HECW1: variants seen among roughly 807,000 people sequenced by gnomAD.
The protein encoded by HECW1 is HECT, C2 and WW domain containing E3 ubiquitin protein ligase 1.
A neutral mutation model predicts 182.3 loss-of-function variants in HECW1; 61 were observed. The ratio of observed to expected loss-of-function variants is 0.33; its 90% CI spans 0.27 to 0.41. The LOEUF is 0.41. HECW1 is among the 10% of genes least tolerant of loss of function. The pLI is 1.00. For synonymous variants in HECW1, 859 were observed against 832.6 expected, an observed-to-expected ratio of 1.03 and a Z score of -0.55; for missense variants, 1,739 against 2,108.9, an observed-to-expected ratio of 0.82 and a Z score of 3.44.
intron 2 of HECW1, among the ~76,000 whole-genome samples, chr7:43,191,115 G>A (rs567035823): frequency 5.3e-5 from 8 of 152,128 alleles, no homozygotes; most frequent in African/African-American, 1.7e-4. Context: ...GGAAAACTGC[G>A]GAGTAGATTA....
intron 4 of HECW1, among the ~76,000 whole-genome samples, chr7:43,316,761 T>G (rs1281225064): frequency 7.1e-5 from 1 of 14,032 alleles, no homozygotes; most frequent in Admixed American, 8.2e-4. Flanking sequence ...TCCTCTCCCC[T>G]CCCCTTTTCT....
chr7:43,355,266 C>T (rs992238420), intron 5 of HECW1, among the ~76,000 whole-genome samples: 23 of 152,110 alleles, frequency 1.5e-4, no homozygotes, highest in African/African-American at 2.7e-4. Flanking sequence ...AAATTAAGTA[C>T]GCAGACAAAC....
intron 24 of HECW1, among the ~76,000 whole-genome samples, chr7:43,534,259 G>A (rs79045522): frequency 0.017 from 2,567 of 151,928 alleles, 72 homozygotes; most frequent in African/African-American, 0.059. Context: ...TCCATAAATC[G>A]TGGCCTGTAA....
At chr7:43,540,416 C>T (rs1019242895) in intron 24 of HECW1, among the ~76,000 whole-genome samples, 35 of 152,314 alleles carry the variant, frequency 2.3e-4, no homozygotes, top group African/African-American at 7.7e-4. Flanking sequence ...GGTTTAGGAG[C>T]AGGCAACAAT....
rs183538692 is a variant in HECW1, at chr7:43,141,560, C to T, written c.-32+27169C>T. 2.4e-3 allele frequency among the ~76,000 whole-genome samples: 364 copies of T among 152,062 alleles called. 2 individuals are homozygous for T. The highest frequency in any genetic ancestry group is 7.9e-3 in the African/African-American group (328 of 41,466). On this transcript the variant is annotated intron_variant, in intron 2 of 29. Coordinates refer to ENST00000395891, the MANE Select transcript of HECW1 (RefSeq NM_015052.5). ...TGTTGCCCAGGCTAGAGTGCAATGG[C>T]GCAATCTCAGCTCACCGCGCCTCCG... is the stretch of plus-strand genomic sequence containing the variant.
intron 2 of HECW1, among the ~76,000 whole-genome samples, chr7:43,239,630 A>G (rs1435564284): frequency 6.6e-6 from 1 of 152,250 alleles, no homozygotes; most frequent in Non-Finnish European, 1.5e-5. Context: ...CCAATTGTCC[A>G]TACTTAGGAC....
chr7:43,474,381 A>G (rs560837846), intron 16 of HECW1, among the ~76,000 whole-genome samples: 325 of 152,272 alleles, frequency 2.1e-3, no homozygotes, highest in Middle Eastern at 3.4e-3. Context: ...CCTGGGAGGC[A>G]GAGCTTGCAG....
At chr7:43,392,084 CT>C (rs1176580960) in intron 6 of HECW1, among the ~76,000 whole-genome samples, 5 of 152,210 alleles carry the variant, frequency 3.3e-5, no homozygotes, top group Admixed American at 6.5e-5. Flanking sequence ...ATATTTTCAC[CT>C]CATTTTTAGG....
intron 6 of HECW1, among the ~76,000 whole-genome samples, chr7:43,387,922 A>G (rs1255974124): frequency 6.6e-6 from 1 of 152,242 alleles, no homozygotes; most frequent in Non-Finnish European, 1.5e-5. Context: ...AACAAATACA[A>G]TATAAATAAC....
chr7:43,192,222 G>C (rs970295782), intron 2 of HECW1, among the ~76,000 whole-genome samples: 2 of 152,142 alleles, frequency 1.3e-5, no homozygotes, highest in Admixed American at 1.3e-4. Context: ...GCTTCCCAAA[G>C]TGCTGCGATT....
In HECW1 at chr7:43,251,660, T is replaced by C. The variant is rs184113979; in HGVS notation, c.27+7728T>C. Among the ~76,000 whole-genome samples, 426 of 152,300 alleles carry C rather than the reference T, an allele frequency of 2.8e-3. 4 individuals carry two copies. The highest frequency in any genetic ancestry group is 1.0e-2 in the African/African-American group (414 of 41,568). On this transcript the variant is annotated intron_variant, in intron 3 of 29. Transcript: ENST00000395891. ...TACTTATTATATTCACAGGTCTAAA[T>C]AGCTAAGATGCTTTTGGAGTTACGG...
At chr7:43,433,695 G>A (rs1446782398) in intron 8 of HECW1, among the ~76,000 whole-genome samples, 1 of 152,230 alleles carries the variant, frequency 6.6e-6, no homozygotes, top group Non-Finnish European at 1.5e-5. Context: ...GTGAAGCCAA[G>A]AAAGAGAATT....
intron 2 of HECW1, among the ~76,000 whole-genome samples, chr7:43,197,882 G>A (rs957587842): frequency 3.3e-5 from 5 of 152,062 alleles, no homozygotes; most frequent in East Asian, 1.9e-4. Context: ...CAGTGAAGGC[G>A]TTGGTTCACA....
intron 6 of HECW1, among the ~76,000 whole-genome samples, chr7:43,392,972 A>C (rs1562926988): frequency 6.6e-6 from 1 of 152,218 alleles, no homozygotes; most frequent in African/African-American, 2.4e-5. Flanking sequence ...TGTAGAGAGA[A>C]AATGAGAATG....
chr7:43,480,624 CGT>C (rs758770664), intron 17 of HECW1, among the ~76,000 whole-genome samples: 18 of 145,660 alleles, frequency 1.2e-4, no homozygotes, highest in East Asian at 6.1e-4. Flanking sequence ...TGTGTGTGTG[CGT>C]GTGTGTGTGT....
intron 23 of HECW1, chr7:43,508,665 T>G (rs982572502): frequency 2.6e-6 from 1 of 379,474 alleles, no homozygotes; most frequent in African/African-American, 2.0e-5. Flanking sequence ...AGGCCTTGTA[T>G]TCAATGGGCC....
At chr7:43,251,395 C>T (rs112552733) in intron 3 of HECW1, among the ~76,000 whole-genome samples, 9,946 of 152,166 alleles carry the variant, frequency 0.065, 447 homozygotes, top group African/African-American at 0.12. Flanking sequence ...CTGCAACTTC[C>T]GCCTCCCAGG....
intron 2 of HECW1, among the ~76,000 whole-genome samples, chr7:43,199,597 G>C (rs1270614857): frequency 6.6e-6 from 1 of 152,008 alleles, no homozygotes; most frequent in Non-Finnish European, 1.5e-5. Flanking sequence ...TACATAGTGG[G>C]AATTAGATTT....
intron 6 of HECW1, among the ~76,000 whole-genome samples, chr7:43,371,125 G>A (rs1039868130): frequency 6.6e-6 from 1 of 152,114 alleles, no homozygotes; most frequent in African/African-American, 2.4e-5. Flanking sequence ...CTGACCTTGT[G>A]ATCCACCCGC....
Sources: gnomAD v4.1 joint callset for allele counts (sites outside exome capture counted in the v4.1 genomes callset) on GRCh38, gnomAD v4.1.1 for gene constraint, MANE v1.5 for transcripts, NCBI Gene and HGNC (gene_info 2026-07-23, HGNC 2026-07-21) for gene names.